Variants in COQ8A observed in about 807,000 individuals in gnomAD.
COQ8A encodes the protein coenzyme Q8A, also known as atypical kinase COQ8A, mitochondrial.
In COQ8A, 51 loss-of-function variants were observed where a neutral mutation model predicts 65.0. That is an observed-to-expected ratio of 0.78 (90% CI 0.63 to 0.99). The LOEUF is 0.99. Ranked by LOEUF, COQ8A falls within the 50% of genes least tolerant of loss-of-function variation. The probability of loss-of-function intolerance (pLI) is 0.00; values close to 1 mark genes in which losing one functional copy is unlikely to be tolerated. For synonymous variants in COQ8A, 371 were observed against 353.2 expected, an observed-to-expected ratio of 1.05 and a Z score of -0.57; for missense variants, 940 against 875.0, an observed-to-expected ratio of 1.07 and a Z score of -0.94.
At chr1:226,978,590 CACA>C (rs1659456265) in intron 5 of COQ8A, among the ~76,000 whole-genome samples, 4 of 89,254 alleles carry the variant, frequency 4.5e-5, no homozygotes, top group African/African-American at 6.0e-5. Context: ...ACACTCTCCA[CACA>C]CTCTACCCTC....
chr1:226,985,185 TG>T, intron 13 of COQ8A, 68 bp from the exon 14 acceptor site: 1 of 1,548,264 alleles, frequency 6.5e-7, no homozygotes, highest in East Asian at 2.2e-5. Context: ...GTGTGGCACT[TG>T]GCTCCCTGGG....
intron 1 of COQ8A, among the ~76,000 whole-genome samples, chr1:226,958,678 C>G (rs1453017935): frequency 6.6e-6 from 1 of 152,210 alleles, no homozygotes; most frequent in South Asian, 2.1e-4. Flanking sequence ...CACTCCCAAA[C>G]ATGAGCACCT....
chr1:226,964,874 G>T, intron 2 of COQ8A, 126 bp from the exon 3 acceptor site: 1 of 1,111,754 alleles, frequency 9.0e-7, no homozygotes, highest in Non-Finnish European at 1.3e-6. Flanking sequence ...GTGCAGCACT[G>T]TGCCACCTCT....
chr1:226,945,755 A>G (rs1656999114), intron 1 of COQ8A, among the ~76,000 whole-genome samples: 1 of 152,232 alleles, frequency 6.6e-6, no homozygotes, highest in Admixed American at 6.5e-5. Context: ...TGCTGGCTTC[A>G]GCCCCTCCTC....
rs754521569 is a variant in COQ8A at position 226,965,179 on chromosome 1, C to T, written c.357C>T (p.Tyr119=). The T allele has an allele frequency of 2.9e-5, 47 of 1,613,636 alleles. No individual in the cohort carries two copies. The highest frequency in any genetic ancestry group is 6.7e-5 in the African/African-American group (5 of 74,946). ...ACAGCGAGGGCCCAGCTCCTGCCTA[C>T]GTGGCCAGTGGACCCTTTAGAGAAG... ...HAHSEGPAPA[Y]VASGPFREAG... is the part of the protein sequence containing the mutation. The change falls in exon 3 of 15, where the codon TAC becomes TAT. Residue 119 remains tyrosine, a synonymous_variant. Coordinates refer to ENST00000366777, the MANE Select transcript of COQ8A (RefSeq NM_020247.5).
chr1:226,976,720 T>A (rs990717115), intron 4 of COQ8A, among the ~76,000 whole-genome samples: 1 of 152,144 alleles, frequency 6.6e-6, no homozygotes, highest in Non-Finnish European at 1.5e-5. Context: ...ATTCATTGAC[T>A]GATTTTTGGA....
chr1:226,978,928 CACCCACCACACACCCACACACCTT>C lies in COQ8A; in HGVS notation c.730+1410_730+1433del, dbSNP rs774977180. 7.8e-4 allele frequency among the ~76,000 whole-genome samples: 117 copies of C among 150,008 alleles called. 1 individual carries two copies. Among genetic ancestry groups the C allele is most frequent in the Non-Finnish European group, 1.5e-3 (104 of 67,284 alleles). On this transcript the variant is annotated intron_variant, in intron 5 of 14. Coordinates refer to ENST00000366777, the MANE Select transcript of COQ8A (RefSeq NM_020247.5). ...CACTGCACCTCCTTACCCCTCCACACACCCACCACACACCCACACACCTTACCCTCCACACACCCGCACACCTCC... is the reference window on the plus strand; with the variant it reads ...CACTGCACCTCCTTACCCCTCCACACACCCTCCACACACCCGCACACCTCC...
intron 3 of COQ8A, 22 bp from the exon 4 acceptor site, chr1:226,965,649 T>C (rs774353638): frequency 6.2e-7 from 1 of 1,613,758 alleles, no homozygotes; most frequent in South Asian, 1.1e-5. Context: ...ATTCCACAGG[T>C]CTCTTTCTCG....
intron 13 of COQ8A, 28 bp downstream of exon 13, chr1:226,984,969 T>C (rs1314068427): frequency 6.2e-7 from 1 of 1,612,578 alleles, no homozygotes; most frequent in Admixed American, 1.7e-5. Flanking sequence ...CTGGCCTTGG[T>C]CCATGTTTTT....
chr1:226,962,897 C>G (rs1223596662), intron 2 of COQ8A, among the ~76,000 whole-genome samples: 1 of 152,222 alleles, frequency 6.6e-6, no homozygotes, highest in African/African-American at 2.4e-5. Flanking sequence ...GGACTCATAA[C>G]GAGTGACAGG....
At position 226,966,790 on chromosome 1, in the gene COQ8A, G is replaced by T. The variant is rs76728907; in HGVS notation, c.655+1053G>T. Among the ~76,000 whole-genome samples the T allele has an allele frequency of 2.5e-3, 377 of 152,252 alleles. 9 individuals carry two copies. In the East Asian group the frequency reaches 0.046, roughly 19 times the overall value. ...CTCTTTTGGAAACCCCATCCTACTT[G>T]TTCAAGACTGGTTCTGGGCAGAGGC... On this transcript the variant is annotated intron_variant, in intron 4 of 14. Coordinates refer to ENST00000366777, the MANE Select transcript of COQ8A (RefSeq NM_020247.5).
rs201787750 is a variant in COQ8A at position 226,965,347 on chromosome 1, C to T, written c.525C>T (p.Ala175=). 225 of 1,613,260 alleles carry T rather than the reference C, an allele frequency of 1.4e-4. No homozygotes were observed. The highest frequency in any genetic ancestry group is 1.7e-4 in the Non-Finnish European group (200 of 1,179,892). The change falls in exon 3 of 15, where the codon GCC becomes GCT. Residue 175 remains alanine, a synonymous_variant. Transcript: ENST00000366777. ...AATCCCCTGTTGGGGGCCTCACAGC[C>T]GAGGACATTGAGAAGGCCCGGCAGG... ...QDQSPVGGLT[A]EDIEKARQAK...
chr1:226,944,984 C>G (rs1224198315), intron 1 of COQ8A, among the ~76,000 whole-genome samples: 1 of 152,094 alleles, frequency 6.6e-6, no homozygotes, highest in East Asian at 1.9e-4. Context: ...GTTGGTCTGC[C>G]TCTTACCTCT....
intron 1 of COQ8A, among the ~76,000 whole-genome samples, chr1:226,957,602 G>A (rs1269411844): frequency 1.5e-4 from 23 of 152,192 alleles, no homozygotes; most frequent in Admixed American, 1.5e-3. Context: ...GACTTGGAGT[G>A]TATAAGGGAT....
chr1:226,945,784 C>A (rs1657000876), intron 1 of COQ8A, among the ~76,000 whole-genome samples: 1 of 152,226 alleles, frequency 6.6e-6, no homozygotes, highest in African/African-American at 2.4e-5. Context: ...CAGTCTTAGA[C>A]AGGGACGGGG....
intron 4 of COQ8A, among the ~76,000 whole-genome samples, chr1:226,971,208 T>C (rs918454137): frequency 2.6e-5 from 4 of 151,936 alleles, no homozygotes; most frequent in African/African-American, 9.7e-5. Context: ...CCCAAAGTGC[T>C]GGGATTACAG....
intron 1 of COQ8A, among the ~76,000 whole-genome samples, chr1:226,955,750 A>C (rs1385832849): frequency 4.9e-5 from 5 of 102,422 alleles, no homozygotes; most frequent in South Asian, 3.4e-4. Flanking sequence ...TCCCTGGTTC[A>C]CACTCTCCCT....
intron 4 of COQ8A, among the ~76,000 whole-genome samples, chr1:226,976,832 G>A (rs1048481113): frequency 1.3e-5 from 2 of 152,196 alleles, no homozygotes; most frequent in African/African-American, 2.4e-5. Flanking sequence ...TGCCAGCCCC[G>A]CAGAAAGGGC....
At chr1:226,983,268 G>T in intron 8 of COQ8A, 3 of 703,544 alleles carry the variant, frequency 4.3e-6, no homozygotes, top group South Asian at 1.9e-5. Flanking sequence ...TTGATTTGGG[G>T]TGGGCAAGGA....
Sources: allele counts gnomAD v4.1 joint callset (sites outside exome capture counted in the v4.1 genomes callset), GRCh38; gene constraint gnomAD v4.1.1; transcripts MANE v1.5; gene names NCBI Gene and HGNC (gene_info 2026-07-23, HGNC 2026-07-21).